The following FAN1 variants were observed in gnomAD, a reference collection of about 807,000 sequenced individuals.
FAN1 encodes the protein FANCD2 and FANCI associated nuclease 1.
FAN1 carries 91 observed loss-of-function variants against 104.9 expected under a neutral mutation model. The observed-to-expected ratio is 0.87, with a 90% CI of 0.73 to 1.03. The LOEUF (loss-of-function observed/expected upper bound fraction) is 1.03. Among genes scored for constraint, FAN1 ranks in the 50% least tolerant of loss-of-function variants. The pLI, the probability that FAN1 is intolerant of heterozygous loss-of-function variation, is 0.00. For missense variants in FAN1, 1,263 were observed against 1,239.9 expected (o/e 1.02, Z -0.28); for synonymous variants, 478 against 457.6 (o/e 1.04, Z -0.57).
intron 14 of FAN1, chr15:30,940,098 A>G (rs973360236): frequency 2.9e-5 from 29 of 984,698 alleles, no homozygotes; most frequent in Non-Finnish European, 3.1e-5. Context: ...ACACTTTACT[A>G]TAAAAATTTT....
chr15:30,936,885 C>T (rs776358155), intron 13 of FAN1, among the ~76,000 whole-genome samples: 4 of 152,110 alleles, frequency 2.6e-5, no homozygotes, highest in Non-Finnish European at 5.9e-5. Context: ...AAGATCAACA[C>T]TCAGAGTATG....
intron 10 of FAN1, chr15:30,926,647 T>G: frequency 1.0e-6 from 1 of 985,140 alleles, no homozygotes; most frequent in Non-Finnish European, 1.2e-6. Context: ...CAAATGCCAG[T>G]GAAGACAGAG....
At chr15:30,929,149 T>C (rs907055179) in intron 11 of FAN1, 54 bp from the exon 12 acceptor site, 15 of 1,532,862 alleles carry the variant, frequency 9.8e-6, no homozygotes, top group Non-Finnish European at 1.3e-5. Flanking sequence ...AGTCCTCTGG[T>C]GAACACGGCT....
intron 4 of FAN1, chr15:30,911,914 T>G (rs1201160854): frequency 6.4e-6 from 1 of 155,820 alleles, no homozygotes; most frequent in African/African-American, 2.4e-5. Flanking sequence ...ATACAAAAAT[T>G]AGCCTGGTGT....
At chr15:30,917,868 T>A (rs1283638950) in intron 5 of FAN1, among the ~76,000 whole-genome samples, 2 of 152,240 alleles carry the variant, frequency 1.3e-5, no homozygotes, top group African/African-American at 4.8e-5. Flanking sequence ...GATGAATGAA[T>A]GGATGAGTGC....
At chr15:30,910,492 ATTGGT>A (rs1273348357) in intron 3 of FAN1, 117 bp from the exon 4 acceptor site, 6 of 573,498 alleles carry the variant, frequency 1.0e-5, no homozygotes, top group African/African-American at 9.3e-5. Flanking sequence ...ACATTTAATG[ATTGGT>A]TTGGCCAACT....
At chr15:30,939,306 G>A (rs2062958592) in intron 14 of FAN1, 1 of 985,340 alleles carries the variant, frequency 1.0e-6, no homozygotes, top group Non-Finnish European at 1.2e-6. Flanking sequence ...ATCAGCATCT[G>A]TGCGGCATTC....
rs761977871 is a variant in FAN1, at chr15:30,941,889, C to T, written c.*327C>T. 103 of 1,613,980 alleles carry T rather than the reference C, an allele frequency of 6.4e-5. 1 individual carries two copies. The Middle Eastern group carries it at 2.0e-3, about 31-fold the overall frequency. On this transcript the variant is annotated 3_prime_UTR_variant, in exon 15 of 15. Transcript: ENST00000362065. The stretch of plus-strand genomic sequence containing the variant: ...GGCAGAATAACACCGTGCAGGTTGG[C>T]GGGTTTGGAAAACCATTCTCTAAAA...
intron 5 of FAN1, 93 bp downstream of exon 5, chr15:30,914,184 T>G (rs1252912234): frequency 3.4e-6 from 3 of 886,184 alleles, no homozygotes; most frequent in Admixed American, 2.5e-5. Flanking sequence ...AGTAGAAACA[T>G]TAAGTCCACA....
At chr15:30,934,084 T>G (rs1470848012) in intron 13 of FAN1, among the ~76,000 whole-genome samples, 1 of 152,178 alleles carries the variant, frequency 6.6e-6, no homozygotes, top group East Asian at 1.9e-4. Flanking sequence ...TTGCTTCATG[T>G]ATTTTGAAGG....
In FAN1 at chr15:30,920,571, T is replaced by G. The variant is rs952154809; in HGVS notation, c.1970T>G (p.Leu657Arg). 6.2e-7 allele frequency: 1 copy of G among 1,612,182 alleles called. No individual in the cohort carries two copies. The highest frequency in any genetic ancestry group is 8.5e-7 in the Non-Finnish European group (1 of 1,179,108). Residue 657 changes from leucine (L) to arginine (R), a missense_variant, in exon 7 of 15, where the codon CTG (leucine) becomes CGG (arginine). By Grantham distance (102) the Leu-to-Arg change is moderately radical. Around this residue, in one of 2 missense-constraint regions of FAN1, gnomAD observed 581 missense variants for 668.8 expected, o/e 0.87. Transcript: ENST00000362065. ...LRCHEDLPLFLRCFTVGWIYT... is the reference protein window; with the variant it reads ...LRCHEDLPLFRRCFTVGWIYT... ...TGCCACGAAGATTTACCACTCTTCC[T>G]GCGGTGTTTCACTGTTGGGTGGATT...
At chr15:30,909,765 G>C (rs1449024968) in intron 3 of FAN1, among the ~76,000 whole-genome samples, 1 of 152,150 alleles carries the variant, frequency 6.6e-6, no homozygotes, top group Non-Finnish European at 1.5e-5. Context: ...CCTCCACCCA[G>C]GTCAGTTTCC....
At chr15:30,937,954 G>C (rs1174594869) in intron 14 of FAN1, among the ~76,000 whole-genome samples, 1 of 151,224 alleles carries the variant, frequency 6.6e-6, no homozygotes, top group Non-Finnish European at 1.5e-5. Flanking sequence ...GGCTGAGCGA[G>C]GCAGGCGCAT....
intron 13 of FAN1, among the ~76,000 whole-genome samples, chr15:30,936,344 G>A (rs993646905): frequency 6.6e-6 from 1 of 152,190 alleles, no homozygotes; most frequent in African/African-American, 2.4e-5. Context: ...CAGGCAGCGG[G>A]AACAGCAAGT....
chr15:30,938,144 A>G (rs2062918007), intron 14 of FAN1, among the ~76,000 whole-genome samples: 1 of 151,704 alleles, frequency 6.6e-6, no homozygotes, highest in South Asian at 2.1e-4. Context: ...AGATTGCACC[A>G]CTGCACTCCA....
At chr15:30,908,354 G>A (rs909887254) in intron 3 of FAN1, 96 bp downstream of exon 3, 54 of 1,007,436 alleles carry the variant, frequency 5.4e-5, no homozygotes, top group Non-Finnish European at 4.6e-5. Flanking sequence ...CCCTCCCCGG[G>A]GTGGTGCCTG....
At chr15:30,936,693 C>T (rs1458690099) in intron 13 of FAN1, among the ~76,000 whole-genome samples, 2 of 152,180 alleles carry the variant, frequency 1.3e-5, no homozygotes, top group Admixed American at 1.3e-4. Context: ...ATTTATCCCA[C>T]CAAACCTCAT....
In FAN1 at chr15:30,937,228, T is replaced by C. The variant is rs973111864; in HGVS notation, c.3026T>C (p.Val1009Ala). ...GTAGAAGTCTGCCATGTGGTTGCAG[T>C]TGGAGCTAAGAGCCAAAGCCTTAGC... ...AEVEVCHVVA[V>A]GAKSQSLS The change falls in exon 14 of 15, where the codon GTT becomes GCT. Residue 1009 changes from valine (V) to alanine (A), a missense_variant. Physicochemically the swap from Val to Ala is moderately conservative, Grantham distance 64. This residue lies in a region of FAN1 where 581 missense variants were observed against 668.8 expected (regional missense o/e 0.87). Coordinates refer to ENST00000362065, the MANE Select transcript of FAN1 (RefSeq NM_014967.5). 3.3e-5 allele frequency: 54 copies of C among 1,613,982 alleles called. No individual in the cohort carries two copies. The highest frequency in any genetic ancestry group is 4.3e-5 in the Non-Finnish European group (51 of 1,180,010).
chr15:30,920,449 A>T, intron 6 of FAN1, 96 bp from the exon 7 acceptor site: 1 of 810,982 alleles, frequency 1.2e-6, no homozygotes, highest in Non-Finnish European at 2.1e-6. Flanking sequence ...ATACCTTTTT[A>T]AAAGATAGGA....
Sources: gnomAD v4.1 joint callset for allele counts (sites outside exome capture counted in the v4.1 genomes callset) on GRCh38, gnomAD v4.1.1 for gene constraint, gnomAD v4.1.1 regional missense constraint, MANE v1.5 for transcripts, NCBI Gene and HGNC (gene_info 2026-07-23, HGNC 2026-07-21) for gene names.